The following AGFG1 variants were observed in gnomAD, a reference collection of about 807,000 sequenced individuals.
AGFG1 encodes the protein ArfGAP with FG repeats 1, also known as arf-GAP domain and FG repeat-containing protein 1.
In AGFG1, 10 loss-of-function variants were observed where a neutral mutation model predicts 60.6. That is an observed-to-expected ratio of 0.16 (90% CI 0.10 to 0.28). The LOEUF is 0.28. AGFG1 is among the 10% of genes least tolerant of loss of function. The pLI, the probability that AGFG1 is intolerant of heterozygous loss-of-function variation, is 1.00. For missense variants in AGFG1, 537 were observed against 676.5 expected, an observed-to-expected ratio of 0.79 and a Z score of 2.29; for synonymous variants, 247 against 242.9, an observed-to-expected ratio of 1.02 and a Z score of -0.16.
intron 2 of AGFG1, among the ~76,000 whole-genome samples, chr2:227,507,981 A>T (rs891158805): frequency 1.3e-5 from 2 of 151,114 alleles, no homozygotes; most frequent in African/African-American, 4.9e-5. Context: ...TTTTACCTAG[A>T]AGAGCTTTGC....
At chr2:227,520,311 C>T (rs967280629) in intron 3 of AGFG1, among the ~76,000 whole-genome samples, 1 of 152,104 alleles carries the variant, frequency 6.6e-6, no homozygotes, top group African/African-American at 2.4e-5. Flanking sequence ...GGGATTCTTC[C>T]TTCTAATCAT....
At chr2:227,503,075 A>G (rs148380552) in intron 2 of AGFG1, among the ~76,000 whole-genome samples, 58 of 152,058 alleles carry the variant, frequency 3.8e-4, no homozygotes, top group African/African-American at 1.4e-3. Context: ...TCTACAAAAA[A>G]TACAAAAGTT....
At chr2:227,524,166 C>G (rs968727903) in intron 4 of AGFG1, among the ~76,000 whole-genome samples, 4 of 151,436 alleles carry the variant, frequency 2.6e-5, no homozygotes, top group African/African-American at 9.8e-5. Flanking sequence ...GTGAGTTATA[C>G]AGGAATGTTG....
chr2:227,495,407 G>T (rs561617743), intron 2 of AGFG1, among the ~76,000 whole-genome samples: 4 of 151,744 alleles, frequency 2.6e-5, no homozygotes, highest in Non-Finnish European at 4.4e-5. Flanking sequence ...TTAGCCAGGC[G>T]TGGTGGTACA....
chr2:227,496,441 C>A (rs372889577), intron 2 of AGFG1, among the ~76,000 whole-genome samples: 541 of 139,644 alleles, frequency 3.9e-3, no homozygotes, highest in Admixed American at 4.9e-3. Flanking sequence ...GACTCCGTCT[C>A]AAAAAAAAAA....
At chr2:227,513,912 A>C (rs1346625226) in intron 2 of AGFG1, among the ~76,000 whole-genome samples, 2 of 152,318 alleles carry the variant, frequency 1.3e-5, no homozygotes, top group South Asian at 4.1e-4. Context: ...GGCACAGCCC[A>C]TTATTTGAAG....
At chr2:227,552,335 A>G (rs185604247) in intron 11 of AGFG1, among the ~76,000 whole-genome samples, 2 of 152,302 alleles carry the variant, frequency 1.3e-5, no homozygotes, top group Admixed American at 6.5e-5. Context: ...GAAATCAGTG[A>G]CTATGTAAAG....
chr2:227,472,578 T>C lies in AGFG1; in HGVS notation c.157T>C (p.Ser53Pro). The change falls in exon 1 of 13, where the codon TCC (serine) becomes CCC (proline). Residue 53 changes from serine (S) to proline (P), a missense_variant. Transcript: ENST00000310078. ...TVGSFVCTSC[S>P]GSLRGLNPPH... The stretch of plus-strand genomic sequence containing the variant: ...CGGCTCCTTCGTGTGTACCTCCTGC[T>C]CCGGCAGCCTGTGAGTGCGGGGCGG... The C allele has an allele frequency of 6.4e-7, 1 of 1,571,188 alleles. No individual in the cohort carries two copies. The highest frequency in any genetic ancestry group is 8.6e-7 in the Non-Finnish European group (1 of 1,158,438).
intron 2 of AGFG1, among the ~76,000 whole-genome samples, chr2:227,505,311 A>G (rs1691278710): frequency 6.6e-6 from 1 of 152,092 alleles, no homozygotes; most frequent in Non-Finnish European, 1.5e-5. Flanking sequence ...ATGTGTATGT[A>G]TTTATCCTAC....
intron 2 of AGFG1, among the ~76,000 whole-genome samples, chr2:227,513,493 A>T (rs767145334): frequency 3.9e-4 from 60 of 152,158 alleles, no homozygotes; most frequent in Non-Finnish European, 7.2e-4. Flanking sequence ...GCATCCTTCC[A>T]TTGAAGTTTC....
intron 1 of AGFG1, among the ~76,000 whole-genome samples, chr2:227,489,238 T>C (rs1311197265): frequency 6.9e-6 from 1 of 143,998 alleles, no homozygotes; most frequent in East Asian, 2.0e-4. Flanking sequence ...TTTTTTTTTT[T>C]TTTTTTTTTT....
At position 227,491,583 on chromosome 2, in the gene AGFG1, C is replaced by G; in HGVS notation, c.204C>G (p.Ile68Met). 3 of 1,565,828 alleles carry G rather than the reference C, an allele frequency of 1.9e-6. No individual in the cohort carries two copies. The highest frequency in any genetic ancestry group is 2.6e-6 in the Non-Finnish European group (3 of 1,158,734). Residue 68 changes from isoleucine (I) to methionine (M), a missense_variant, in exon 2 of 13, where the codon ATC (isoleucine) becomes ATG (methionine). Physicochemically the swap from Ile to Met is conservative, Grantham distance 10. Around this residue, in one of 4 missense-constraint regions of AGFG1, gnomAD observed 120 missense variants for 198.5 expected, o/e 0.60. Transcript: ENST00000310078. The stretch of plus-strand genomic sequence containing the variant: ...ATCCACCACACAGGGTGAAATCTAT[C>G]TCCATGACAACATTCACACAACAGG... ...GLNPPHRVKS[I>M]SMTTFTQQEI...
At chr2:227,530,958 T>G (rs1692139632) in intron 5 of AGFG1, 133 bp from the exon 6 acceptor site, 2 of 853,384 alleles carry the variant, frequency 2.3e-6, no homozygotes, top group Non-Finnish European at 3.4e-6. Flanking sequence ...AAAATCTGAT[T>G]GCTAAGTGAA....
intron 1 of AGFG1, among the ~76,000 whole-genome samples, chr2:227,489,540 A>C (rs1412583041): frequency 6.6e-6 from 1 of 152,160 alleles, no homozygotes; most frequent in African/African-American, 2.4e-5. Flanking sequence ...GAGTTTTACC[A>C]GAATAAAATT....
intron 2 of AGFG1, chr2:227,510,586 C>G (rs933790918): frequency 1.3e-5 from 2 of 152,024 alleles, no homozygotes; most frequent in African/African-American, 4.8e-5. Flanking sequence ...TGCCCAGGTC[C>G]CAGATAGTTT....
At chr2:227,481,682 G>A (rs905043339) in intron 1 of AGFG1, among the ~76,000 whole-genome samples, 17 of 152,070 alleles carry the variant, frequency 1.1e-4, no homozygotes, top group African/African-American at 3.6e-4. Context: ...ATTTTTGTGG[G>A]CACATAGTAG....
At chr2:227,491,151 G>A (rs1690804396) in intron 1 of AGFG1, among the ~76,000 whole-genome samples, 1 of 151,982 alleles carries the variant, frequency 6.6e-6, no homozygotes, top group Admixed American at 6.5e-5. Flanking sequence ...TATAGCTCTG[G>A]TCTTATTATA....
intron 2 of AGFG1, among the ~76,000 whole-genome samples, chr2:227,495,032 A>G (rs897466829): frequency 3.3e-5 from 5 of 152,194 alleles, no homozygotes. Context: ...AAATTTCTTG[A>G]CTATTACTTT....
At chr2:227,551,906 G>A in intron 10 of AGFG1, 53 bp from the exon 11 acceptor site, 1 of 1,566,388 alleles carries the variant, frequency 6.4e-7, no homozygotes, top group Non-Finnish European at 8.7e-7. Flanking sequence ...AATGTTGTGA[G>A]AAACTAAACA....
Sources: gnomAD v4.1 joint callset for allele counts (sites outside exome capture counted in the v4.1 genomes callset) on GRCh38, gnomAD v4.1.1 for gene constraint, gnomAD v4.1.1 regional missense constraint, MANE v1.5 for transcripts, NCBI Gene and HGNC (gene_info 2026-07-23, HGNC 2026-07-21) for gene names.